POC1A: variants seen among roughly 807,000 people sequenced by gnomAD.
POC1A encodes the protein POC1 centriolar protein homolog A.
POC1A carries 34 observed loss-of-function variants against 47.8 expected under a neutral mutation model. That is an observed-to-expected ratio of 0.71 (90% CI 0.54 to 0.95). The LOEUF is 0.95. Ranked by LOEUF, POC1A falls within the 40% of genes least tolerant of loss-of-function variation. The pLI is 0.00. For missense variants in POC1A, 466 were observed against 528.3 expected (o/e 0.88, Z 1.16); for synonymous variants, 177 against 207.6 (o/e 0.85, Z 1.27).
intron 4 of POC1A, 105 bp from the exon 5 acceptor site, chr3:52,147,200 C>T: frequency 1.2e-6 from 1 of 822,114 alleles, no homozygotes; most frequent in Non-Finnish European, 2.0e-6. Flanking sequence ...TATCTGCCTG[C>T]AGGAACCACC....
rs1315359625 is a variant in POC1A at position 52,154,365 on chromosome 3, G to A, written c.8C>T (p.Ala3Val). 2 of 1,526,324 alleles carry A rather than the reference G, an allele frequency of 1.3e-6. No individual in the cohort carries two copies. The highest frequency in any genetic ancestry group is 1.5e-5 in the African/African-American group (1 of 68,884). The allele number at this position is 1,526,324 out of a possible 1,614,324, so 94.5% of individuals were successfully genotyped here. The part of the protein sequence containing the change: MA[A>V]PCAEDPSLER... ...CTCGGCTGGGCTTACCGCGCAGGGCGCAGCCATGGCGGGGCTGGCGGCGCC... is the reference window on the plus strand; with the variant it reads ...CTCGGCTGGGCTTACCGCGCAGGGCACAGCCATGGCGGGGCTGGCGGCGCC... Residue 3 changes from alanine to valine, a missense_variant, in exon 1 of 11, where the codon GCG (alanine) becomes GTG (valine). Ala to Val is a moderately conservative substitution (Grantham distance 64). Coordinates refer to ENST00000296484, the MANE Select transcript of POC1A (RefSeq NM_015426.5).
intron 10 of POC1A, among the ~76,000 whole-genome samples, chr3:52,088,548 G>A (rs1253461351): frequency 6.6e-6 from 1 of 152,132 alleles, no homozygotes; most frequent in African/African-American, 2.4e-5. Flanking sequence ...CCCTGCTGTG[G>A]TGGTGCCTCA....
chr3:52,081,234 T>G (rs953238864), intron 10 of POC1A, among the ~76,000 whole-genome samples: 5 of 152,214 alleles, frequency 3.3e-5, no homozygotes, highest in Non-Finnish European at 5.9e-5. Flanking sequence ...CCTGCTGGCT[T>G]CCGTATGGTC....
At chr3:52,076,026 C>T (rs141143394) in intron 10 of POC1A, 41 bp from the exon 11 acceptor site, 383 of 1,510,664 alleles carry the variant, frequency 2.5e-4, no homozygotes, top group Non-Finnish European at 3.4e-4. Context: ...ACAGAAGGGC[C>T]GCCAGGCTGC....
intron 9 of POC1A, among the ~76,000 whole-genome samples, chr3:52,107,044 T>C (rs1703209648): frequency 6.6e-6 from 1 of 151,900 alleles, no homozygotes; most frequent in Non-Finnish European, 1.5e-5. Flanking sequence ...CACACAGAGG[T>C]GAGGGAAGCC....
At chr3:52,153,957 C>T (rs1446144990) in intron 1 of POC1A, among the ~76,000 whole-genome samples, 11 of 152,246 alleles carry the variant, frequency 7.2e-5, no homozygotes, top group Non-Finnish European at 1.6e-4. Flanking sequence ...ATCCCAGCGT[C>T]CTGCTGTACC....
At chr3:52,109,564 G>GAGGA (rs1703310565) in intron 9 of POC1A, among the ~76,000 whole-genome samples, 1 of 152,040 alleles carries the variant, frequency 6.6e-6, no homozygotes, top group Non-Finnish European at 1.5e-5. Flanking sequence ...GGGACTCCAA[G>GAGGA]AGGAAGCTCA....
chr3:52,154,129 G>T (rs374099777), intron 1 of POC1A, among the ~76,000 whole-genome samples: 201 of 152,378 alleles, frequency 1.3e-3, no homozygotes, highest in African/African-American at 4.7e-3. Context: ...GGAGGCAGAG[G>T]CCTGTTTGTT....
chr3:52,082,963 C>T (rs890679504), intron 10 of POC1A, among the ~76,000 whole-genome samples: 101 of 152,114 alleles, frequency 6.6e-4, no homozygotes, highest in Non-Finnish European at 1.2e-3. Flanking sequence ...CACAGGGCTC[C>T]GAGATTGGAA....
In POC1A at chr3:52,090,399, G is replaced by A. The variant is rs760342723; in HGVS notation, c.1125+6170C>T. Among the ~76,000 whole-genome samples the A allele has an allele frequency of 5.3e-5, 8 of 152,220 alleles. No individual in the cohort carries two copies. The highest frequency in any genetic ancestry group is 1.0e-4 in the Non-Finnish European group (7 of 68,036). ...CCAAGCCGCGTGTTGGGCCTATGCC[G>A]GGCCCCCTCACAGCAGCCTCCCCAG... On this transcript the variant is annotated intron_variant, in intron 10 of 10. Coordinates refer to ENST00000296484, the MANE Select transcript of POC1A (RefSeq NM_015426.5). The surrounding 1 kb of genome is among the most constrained non-coding windows in gnomAD (Gnocchi z 4.2).
chr3:52,104,255 G>C (rs1165975923), intron 9 of POC1A, among the ~76,000 whole-genome samples: 2 of 152,166 alleles, frequency 1.3e-5, no homozygotes, highest in African/African-American at 4.8e-5. Flanking sequence ...TTATATCATA[G>C]TCTAAAAAAT....
intron 9 of POC1A, among the ~76,000 whole-genome samples, chr3:52,105,075 A>C (rs1200246064): frequency 1.3e-5 from 2 of 152,248 alleles, no homozygotes; most frequent in African/African-American, 4.8e-5. Context: ...AAACAAAAGC[A>C]TCCAGGAACT....
intron 7 of POC1A, 37 bp from the exon 8 acceptor site, chr3:52,125,218 T>C (rs777965105): frequency 1.3e-5 from 19 of 1,496,408 alleles, no homozygotes; most frequent in Non-Finnish European, 1.8e-5. Context: ...ACATCAAAGG[T>C]CATTCTCCAT....
At chr3:52,129,678 C>T (rs992461073) in intron 7 of POC1A, among the ~76,000 whole-genome samples, 4 of 152,170 alleles carry the variant, frequency 2.6e-5, no homozygotes, top group African/African-American at 9.7e-5. Context: ...TCAATAAGGG[C>T]CTCCCTCCCT....
intron 9 of POC1A, among the ~76,000 whole-genome samples, chr3:52,112,535 G>T (rs756217263): frequency 1.3e-5 from 2 of 152,082 alleles, no homozygotes; most frequent in Non-Finnish European, 2.9e-5. Flanking sequence ...CCAGCTATTC[G>T]GGAGGCTGAG....
intron 7 of POC1A, among the ~76,000 whole-genome samples, chr3:52,133,045 CA>C (rs879445969): frequency 1.3e-3 from 175 of 135,560 alleles, no homozygotes; most frequent in Admixed American, 1.0e-3. Context: ...GACTCCATCT[CA>C]AAAAAAAAAA....
chr3:52,076,300 C>T (rs973531089), intron 10 of POC1A, among the ~76,000 whole-genome samples: 1 of 152,172 alleles, frequency 6.6e-6, no homozygotes, highest in Non-Finnish European at 1.5e-5. Context: ...GGTCAGGAAC[C>T]CCCCACCCTG....
At chr3:52,093,548 CA>C (rs1403049685) in intron 10 of POC1A, among the ~76,000 whole-genome samples, 1 of 152,224 alleles carries the variant, frequency 6.6e-6, no homozygotes, top group African/African-American at 2.4e-5. Context: ...AGGTACTATT[CA>C]AGGAGCTTCC....
intron 10 of POC1A, among the ~76,000 whole-genome samples, chr3:52,092,416 G>A (rs1702673502): frequency 6.6e-6 from 1 of 152,222 alleles, no homozygotes; most frequent in Non-Finnish European, 1.5e-5. Context: ...GTTGAGATCA[G>A]GATCACCTGG....
Sources: allele counts gnomAD v4.1 joint callset (sites outside exome capture counted in the v4.1 genomes callset), GRCh38; gene constraint gnomAD v4.1.1; non-coding constraint Gnocchi (gnomAD v3.1); transcripts MANE v1.5; gene names NCBI Gene and HGNC (gene_info 2026-07-23, HGNC 2026-07-21).